The following INTS9 variants were observed in gnomAD, a reference collection of about 807,000 sequenced individuals.
INTS9 encodes the protein integrator complex subunit 9, also known as protein related to CPSF subunits of 74 kDa.
INTS9 carries 55 observed loss-of-function variants against 79.7 expected under a neutral mutation model. The observed-to-expected ratio is 0.69, with a 90% CI of 0.56 to 0.86. The LOEUF (loss-of-function observed/expected upper bound fraction) is 0.86. INTS9 is among the 40% of genes least tolerant of loss of function. The probability of loss-of-function intolerance (pLI) is 0.00; values close to 1 mark genes in which losing one functional copy is unlikely to be tolerated. For synonymous variants in INTS9, 319 were observed against 325.2 expected, an observed-to-expected ratio of 0.98 and a Z score of 0.20; for missense variants, 721 against 831.5, an observed-to-expected ratio of 0.87 and a Z score of 1.64.
intron 3 of INTS9, among the ~76,000 whole-genome samples, chr8:28,848,503 G>A (rs929642335): frequency 1.1e-4 from 16 of 152,104 alleles, no homozygotes; most frequent in East Asian, 7.7e-4. Context: ...TTTAACTAGC[G>A]ACAGGTGGAG....
chr8:28,861,424 TCTC>T (rs1808455097), intron 1 of INTS9, among the ~76,000 whole-genome samples: 1 of 152,052 alleles, frequency 6.6e-6, no homozygotes, highest in African/African-American at 2.4e-5. Context: ...TTCCTATATC[TCTC>T]CTTTCAAAAA....
chr8:28,889,850 T>A (rs1318903300), intron 1 of INTS9, 24 bp downstream of exon 1: 1 of 1,613,780 alleles, frequency 6.2e-7, no homozygotes. Flanking sequence ...ACCTTTGCCC[T>A]CTGACCTAGG....
At position 28,777,855 on chromosome 8, in the gene INTS9, C is replaced by G; in HGVS notation, c.1369G>C (p.Val457Leu). The G allele has an allele frequency of 6.2e-7, 1 of 1,611,826 alleles. No individual in the cohort carries two copies. The highest frequency in any genetic ancestry group is 8.5e-7 in the Non-Finnish European group (1 of 1,178,960). The change falls in exon 13 of 17, where the codon GTG becomes CTG. Residue 457 changes from valine (V) to leucine (L), a missense_variant. This residue lies in a region of INTS9 where 281 missense variants were observed against 300.8 expected (regional missense o/e 0.93). Transcript: ENST00000521022. ...PIDTRLNFIQ[V>L]SKLLKEVQPL... ...TGCACTTCTTTAAGCAGCTTTGACACCTGGATGAAGTTCAGCCGGGTGTCG... is the reference window on the plus strand; with the variant it reads ...TGCACTTCTTTAAGCAGCTTTGACAGCTGGATGAAGTTCAGCCGGGTGTCG...
chr8:28,815,146 C>G (rs182483394), intron 6 of INTS9, among the ~76,000 whole-genome samples: 35 of 151,754 alleles, frequency 2.3e-4, no homozygotes, highest in African/African-American at 7.2e-4. Context: ...TCCTTACTAT[C>G]GTTAGAAAAA....
At chr8:28,817,726 ATC>A in intron 6 of INTS9, among the ~76,000 whole-genome samples, 2 of 122,620 alleles carry the variant, frequency 1.6e-5, no homozygotes, top group Admixed American at 1.6e-4. Flanking sequence ...ATGGCATTGA[ATC>A]TATAAATTAC....
At chr8:28,770,735 C>T (rs561821612) in intron 15 of INTS9, among the ~76,000 whole-genome samples, 13 of 152,338 alleles carry the variant, frequency 8.5e-5, no homozygotes, top group African/African-American at 3.1e-4. Flanking sequence ...CTGCACCTGC[C>T]ACCCTGCACG....
intron 1 of INTS9, among the ~76,000 whole-genome samples, chr8:28,880,340 G>C (rs1809650145): frequency 6.7e-6 from 1 of 149,032 alleles, no homozygotes; most frequent in Admixed American, 6.8e-5. Context: ...TGCCATCTCA[G>C]CTCACTGCAA....
chr8:28,879,037 A>G (rs1809553344), intron 1 of INTS9, among the ~76,000 whole-genome samples: 1 of 152,316 alleles, frequency 6.6e-6, no homozygotes, highest in Middle Eastern at 3.4e-3. Context: ...CTTGTAGAAC[A>G]TAGAGGAGGT....
chr8:28,773,833 T>C (rs1182003153), intron 14 of INTS9, among the ~76,000 whole-genome samples: 2 of 152,062 alleles, frequency 1.3e-5, no homozygotes, highest in African/African-American at 4.8e-5. Context: ...CTGAAATATA[T>C]ATTTTTTGAG....
At chr8:28,796,449 C>G (rs1804220650) in intron 9 of INTS9, 95 bp downstream of exon 9, 1 of 696,490 alleles carries the variant, frequency 1.4e-6, no homozygotes, top group East Asian at 2.7e-5. Flanking sequence ...ACCCTGTAAG[C>G]ACTCCTTCCC....
At chr8:28,795,044 CTA>C (rs1162470367) in intron 9 of INTS9, among the ~76,000 whole-genome samples, 1 of 152,206 alleles carries the variant, frequency 6.6e-6, no homozygotes, top group Non-Finnish European at 1.5e-5. Flanking sequence ...CAAAAACAGA[CTA>C]TGTTTATTAG....
chr8:28,811,725 T>A (rs947549600), intron 8 of INTS9, among the ~76,000 whole-genome samples: 1 of 152,294 alleles, frequency 6.6e-6, no homozygotes, highest in South Asian at 2.1e-4. Context: ...CCAGCCGACA[T>A]GGTTTATCTC....
Position 28,771,059 on chromosome 8 carries a change from T to C in INTS9, c.1585A>G (p.Met529Val). Residue 529 changes from methionine (M) to valine (V), a missense_variant, in exon 15 of 17, where the codon ATG becomes GTG. Met to Val is a conservative substitution (Grantham distance 21, BLOSUM62 1). Transcript: ENST00000521022. ...MPELADSLVP[M>V]EIKPGISLAT... ...AAGGAGATGCCAGGCTTGATCTCCA[T>C]GGGCACCAGTGAATCTGCGAGCTGA... is the stretch of plus-strand genomic sequence containing the variant. The C allele has an allele frequency of 1.2e-6, 2 of 1,611,532 alleles. No homozygotes were observed. Among genetic ancestry groups the C allele is most frequent in the Non-Finnish European group, 1.7e-6 (2 of 1,178,882 alleles).
At chr8:28,872,645 A>G (rs567108231) in intron 1 of INTS9, among the ~76,000 whole-genome samples, 2 of 152,284 alleles carry the variant, frequency 1.3e-5, no homozygotes, top group African/African-American at 4.8e-5. Context: ...TGACTAGAAT[A>G]GGGATATGAT....
At chr8:28,889,797 T>C in intron 1 of INTS9, 77 bp downstream of exon 1, 6 of 1,561,566 alleles carry the variant, frequency 3.8e-6, no homozygotes, top group South Asian at 1.1e-5. Context: ...GACGATTCCC[T>C]GCCCAACGTA....
chr8:28,777,696 G>A (rs1309347525), intron 13 of INTS9, 133 bp downstream of exon 13: 18 of 1,017,640 alleles, frequency 1.8e-5, no homozygotes, highest in Admixed American at 3.6e-5. Context: ...ATGTGTCCCA[G>A]CATTCTGCAG....
In INTS9 at chr8:28,859,547, T is replaced by G. The variant is rs1171557470; in HGVS notation, c.26A>C (p.His9Pro). 6.2e-7 allele frequency: 1 copy of G among 1,614,142 alleles called. No individual in the cohort carries two copies. The highest frequency in any genetic ancestry group is 1.7e-5 in the Admixed American group (1 of 60,026). Reference protein sequence around the residue: MKLYCLSGHPTLPCNVLKF... With the variant: MKLYCLSGPPTLPCNVLKF... Reference sequence around the variant, plus strand: ...GAGCACATTGCATGGTAAGGTTGGGTGCCCTGACAGGCAATACTGAAAAAA... The same window carrying G: ...GAGCACATTGCATGGTAAGGTTGGGGGCCCTGACAGGCAATACTGAAAAAA... The change falls in exon 2 of 17, where the codon CAC becomes CCC. Residue 9 changes from histidine (H) to proline (P), a missense_variant. His to Pro is a moderately conservative substitution (Grantham distance 77). Coordinates refer to ENST00000521022, the MANE Select transcript of INTS9 (RefSeq NM_018250.4).
intron 6 of INTS9, among the ~76,000 whole-genome samples, chr8:28,821,981 G>A (rs779656366): frequency 1.4e-4 from 21 of 152,016 alleles, no homozygotes; most frequent in Admixed American, 3.9e-4. Flanking sequence ...TGCCCATGCC[G>A]GTCTCAAACT....
Position 28,846,881 on chromosome 8 carries a change from C to T in INTS9, c.199-72G>A, listed in dbSNP as rs1807549411. On this transcript the variant is annotated intron_variant, in intron 3 of 16. Transcript: ENST00000521022. ...ATACAGGACCAAAGAAATAAACTCC[C>T]CAAACAAAACTTTTCATGAAGAATC... 30 of 1,148,894 alleles carry T rather than the reference C, an allele frequency of 2.6e-5. No individual in the cohort carries two copies. The South Asian group carries it at 3.2e-4, about 12-fold the overall frequency. The allele number at this position is 1,148,894 out of a possible 1,614,324, so 71.2% of individuals were successfully genotyped here.
Sources: gnomAD v4.1 joint callset for allele counts (sites outside exome capture counted in the v4.1 genomes callset) on GRCh38, gnomAD v4.1.1 for gene constraint, gnomAD v4.1.1 regional missense constraint, MANE v1.5 for transcripts, NCBI Gene and HGNC (gene_info 2026-07-23, HGNC 2026-07-21) for gene names.